Variants in ZNF521 observed in about 807,000 individuals in gnomAD.
ZNF521 encodes zinc finger protein 521.
In ZNF521, 14 loss-of-function variants were observed where a neutral mutation model predicts 105.5. The ratio of observed to expected loss-of-function variants is 0.13; its 90% confidence interval spans 0.09 to 0.21. The LOEUF (loss-of-function observed/expected upper bound fraction) is 0.21. Among genes scored for constraint, ZNF521 ranks in the 10% least tolerant of loss-of-function variants. The pLI is 1.00. For synonymous variants in ZNF521, 635 were observed against 606.0 expected (o/e 1.05, Z -0.70); for missense variants, 1,233 against 1,629.7 (o/e 0.76, Z 4.19).
At chr18:25,261,195 C>G (rs1027213211) in intron 3 of ZNF521, among the ~76,000 whole-genome samples, 1 of 152,172 alleles carries the variant, frequency 6.6e-6, no homozygotes, top group Non-Finnish European at 1.5e-5. Flanking sequence ...ACTAACAAAA[C>G]AGAGACTCTG....
At chr18:25,091,912 T>A (rs1263041100) in intron 6 of ZNF521, 38 bp downstream of exon 6, 1 of 1,607,854 alleles carries the variant, frequency 6.2e-7, no homozygotes. Context: ...GATGTGGCCA[T>A]CAGCCTCTCC....
chr18:25,351,282 A>C (rs1291432159), intron 1 of ZNF521: 3 of 151,688 alleles, frequency 2.0e-5, no homozygotes, highest in African/African-American at 7.3e-5. Flanking sequence ...CTAAAAAAAA[A>C]ACCCCAAAGA....
At chr18:25,252,538 T>C (rs77915886) in intron 3 of ZNF521, among the ~76,000 whole-genome samples, 2 of 152,074 alleles carry the variant, frequency 1.3e-5, no homozygotes, top group Non-Finnish European at 2.9e-5. Context: ...TTTTTTTTTT[T>C]CTTGAACAAA....
chr18:25,310,938 T>C (rs1395026878), intron 3 of ZNF521, among the ~76,000 whole-genome samples: 3 of 152,226 alleles, frequency 2.0e-5, no homozygotes, highest in Admixed American at 6.5e-5. Flanking sequence ...CTTAAATTCA[T>C]TCTACAATTC....
At chr18:25,268,989 T>C (rs1318291824) in intron 3 of ZNF521, among the ~76,000 whole-genome samples, 1 of 151,534 alleles carries the variant, frequency 6.6e-6, no homozygotes, top group Non-Finnish European at 1.5e-5. Flanking sequence ...ACTAGCAAAT[T>C]GGATAAAGAG....
chr18:25,105,163 C>T (rs199633017), intron 5 of ZNF521, among the ~76,000 whole-genome samples: 22 of 152,250 alleles, frequency 1.4e-4, no homozygotes, highest in Admixed American at 6.5e-4. Context: ...CAGCTAGACA[C>T]GTCTCCAAAG....
At chr18:25,263,366 T>G (rs1245099012) in intron 3 of ZNF521, among the ~76,000 whole-genome samples, 1 of 152,028 alleles carries the variant, frequency 6.6e-6, no homozygotes, top group African/African-American at 2.4e-5. Flanking sequence ...CTTTTTTTTT[T>G]GTTTTTTTGA....
intron 5 of ZNF521, among the ~76,000 whole-genome samples, chr18:25,183,799 C>T (rs530807218): frequency 1.3e-5 from 2 of 152,228 alleles, no homozygotes; most frequent in South Asian, 2.1e-4. Context: ...TCCTCATTTA[C>T]TAGCAGATAA....
intron 3 of ZNF521, 91 bp downstream of exon 3, chr18:25,321,917 A>T: frequency 1.6e-6 from 2 of 1,242,600 alleles, no homozygotes; most frequent in Non-Finnish European, 2.2e-6. Context: ...GGAATAAAAT[A>T]ATTTGAAGAG....
At chr18:25,133,300 G>A (rs891510758) in intron 5 of ZNF521, among the ~76,000 whole-genome samples, 8 of 152,254 alleles carry the variant, frequency 5.3e-5, no homozygotes, top group African/African-American at 1.9e-4. Context: ...CACTACTTCT[G>A]TTTGCTCCCA....
intron 3 of ZNF521, among the ~76,000 whole-genome samples, chr18:25,235,186 C>G (rs1906804125): frequency 1.3e-5 from 2 of 152,192 alleles, no homozygotes; most frequent in Non-Finnish European, 2.9e-5. Flanking sequence ...CAGCACCACT[C>G]TATAAGTGAC....
intron 2 of ZNF521, chr18:25,345,320 A>G (rs1355808422): frequency 6.6e-6 from 1 of 152,234 alleles, no homozygotes; most frequent in African/African-American, 2.4e-5. Flanking sequence ...GGATAACTAC[A>G]GTGGTTTTTA....
intron 4 of ZNF521, among the ~76,000 whole-genome samples, chr18:25,200,690 C>A (rs2035977655): frequency 6.6e-6 from 1 of 152,120 alleles, no homozygotes; most frequent in South Asian, 2.1e-4. Flanking sequence ...TCTAGATCAT[C>A]TTCTCTGTAC....
intron 2 of ZNF521, among the ~76,000 whole-genome samples, chr18:25,344,859 G>T (rs150192040): frequency 1.3e-3 from 200 of 152,212 alleles, no homozygotes; most frequent in Non-Finnish European, 2.7e-3. Flanking sequence ...TGTATTCTGT[G>T]GCAACAGAAT....
chr18:25,242,182 A>G (rs1458496667), intron 3 of ZNF521, among the ~76,000 whole-genome samples: 2 of 152,176 alleles, frequency 1.3e-5, no homozygotes, highest in East Asian at 3.9e-4. Flanking sequence ...GAGGAATTAA[A>G]GCCATCTAAA....
chr18:25,261,264 A>G (rs907075582), intron 3 of ZNF521, among the ~76,000 whole-genome samples: 6 of 152,206 alleles, frequency 3.9e-5, no homozygotes, highest in Non-Finnish European at 8.8e-5. Context: ...TCTGATTAGC[A>G]GGAGCTAGGG....
chr18:25,146,063 C>A (rs2034937585), intron 5 of ZNF521, among the ~76,000 whole-genome samples: 1 of 152,110 alleles, frequency 6.6e-6, no homozygotes, highest in Non-Finnish European at 1.5e-5. Context: ...TTCAAACAAC[C>A]TTATTAGTTA....
intron 5 of ZNF521, among the ~76,000 whole-genome samples, chr18:25,151,691 G>T (rs925066874): frequency 1.3e-5 from 2 of 152,134 alleles, no homozygotes. Flanking sequence ...AAGGAGTCAA[G>T]GCAGGCATCA....
At chr18:25,309,275 G>C (rs969028482) in intron 3 of ZNF521, among the ~76,000 whole-genome samples, 3 of 152,226 alleles carry the variant, frequency 2.0e-5, no homozygotes, top group Non-Finnish European at 4.4e-5. Context: ...GTTTCTGCAG[G>C]CCACAGAAGG....
Sources: allele counts gnomAD v4.1 joint callset (sites outside exome capture counted in the v4.1 genomes callset), GRCh38; gene constraint gnomAD v4.1.1; transcripts MANE v1.5; gene names NCBI Gene and HGNC (gene_info 2026-07-23, HGNC 2026-07-21).